Variants in SAFB observed in about 807,000 individuals in gnomAD.
SAFB encodes the protein scaffold attachment factor B.
SAFB carries 15 observed loss-of-function variants against 101.6 expected under a neutral mutation model. The observed-to-expected ratio is 0.15, with a 90% CI of 0.10 to 0.23. The LOEUF is 0.23. Among genes scored for constraint, SAFB ranks in the 10% least tolerant of loss-of-function variants. The pLI, the probability that SAFB is intolerant of heterozygous loss-of-function variation, is 1.00. For missense variants in SAFB, 930 were observed against 1,104.1 expected (o/e 0.84, Z 2.23); for synonymous variants, 449 against 407.5 (o/e 1.10, Z -1.23).
At chr19:5,660,020 C>A (rs2054159597) in intron 14 of SAFB, among the ~76,000 whole-genome samples, 1 of 152,144 alleles carries the variant, frequency 6.6e-6, no homozygotes, top group Admixed American at 6.5e-5. Flanking sequence ...TGGGCGGATC[C>A]AAGACATGTT....
chr19:5,650,120 A>G, intron 8 of SAFB, 145 bp downstream of exon 8: 1 of 658,438 alleles, frequency 1.5e-6, no homozygotes, highest in Non-Finnish European at 2.7e-6. Flanking sequence ...CTCTGCTGTT[A>G]CCGCTACAGG....
intron 5 of SAFB, 108 bp downstream of exon 5, chr19:5,645,507 G>T (rs1295652888): frequency 1.8e-5 from 11 of 607,804 alleles, no homozygotes; most frequent in South Asian, 4.0e-5. Flanking sequence ...CACCACAAGG[G>T]TTGTTTCCTT....
In SAFB at chr19:5,641,862, T is replaced by C; in HGVS notation, c.462T>C (p.Asp154=). Residue 154 remains aspartate (D), a synonymous_variant, in exon 4 of 21, where the codon GAT becomes GAC. Transcript: ENST00000588852. ...VADCVEDDDA[D]NLQESLSDSR... is the part of the protein sequence containing the mutation. ...ATTGTGTCGAAGACGATGATGCTGA[T>C]AACCTCCAGGAGTCCCTGTCGGATA... The C allele has an allele frequency of 6.2e-7, 1 of 1,614,142 alleles. No homozygotes were observed. Among genetic ancestry groups the C allele is most frequent in the African/African-American group, 1.3e-5 (1 of 75,048 alleles).
intron 9 of SAFB, among the ~76,000 whole-genome samples, chr19:5,652,175 A>G (rs1163498332): frequency 2.6e-5 from 4 of 152,076 alleles, no homozygotes; most frequent in Non-Finnish European, 4.4e-5. Flanking sequence ...CCTGGGACAG[A>G]GCAAGACTCC....
At chr19:5,646,125 C>CT (rs1244176630) in intron 5 of SAFB, among the ~76,000 whole-genome samples, 1 of 152,058 alleles carries the variant, frequency 6.6e-6, no homozygotes, top group Non-Finnish European at 1.5e-5. Context: ...CTTAGGAGAA[C>CT]TTTTTGTGGA....
intron 5 of SAFB, among the ~76,000 whole-genome samples, chr19:5,645,895 T>C (rs1293941483): frequency 6.6e-6 from 1 of 151,838 alleles, no homozygotes; most frequent in Non-Finnish European, 1.5e-5. Flanking sequence ...GTTTTGTTTT[T>C]GTTTTGTTTT....
chr19:5,649,751 C>T (rs1371910535), intron 7 of SAFB, 175 bp from the exon 8 acceptor site: 1 of 785,708 alleles, frequency 1.3e-6, no homozygotes, highest in Non-Finnish European at 2.1e-6. Flanking sequence ...TTAATTAACT[C>T]CTGTGGGTCT....
In SAFB at chr19:5,653,256, G is replaced by A. The variant is rs1358288770; in HGVS notation, c.1435G>A (p.Val479Met). The change falls in exon 10 of 21, where the codon GTG becomes ATG. Residue 479 changes from valine to methionine, a missense_variant. Physicochemically the swap from Val to Met is conservative, Grantham distance 21 (BLOSUM62 1). Around this residue, in one of 7 missense-constraint regions of SAFB, gnomAD observed 92 missense variants for 83.8 expected, o/e 1.10. Coordinates refer to ENST00000588852, the MANE Select transcript of SAFB (RefSeq NM_001201338.2). ...KTELHGKMISVEKAKNEPVGK... is the reference protein window; with the variant it reads ...KTELHGKMISMEKAKNEPVGK... Reference sequence around the variant, plus strand: ...GGAGCTCCACGGAAAGATGATCTCCGTGGAGAAAGTGAGTGGCCGTTTTCT... The same window carrying A: ...GGAGCTCCACGGAAAGATGATCTCCATGGAGAAAGTGAGTGGCCGTTTTCT... 4.3e-6 allele frequency: 7 copies of A among 1,614,150 alleles called. No individual in the cohort carries two copies. The highest frequency in any genetic ancestry group is 5.9e-6 in the Non-Finnish European group (7 of 1,180,030).
At chr19:5,645,999 G>A (rs2053820042) in intron 5 of SAFB, among the ~76,000 whole-genome samples, 1 of 152,090 alleles carries the variant, frequency 6.6e-6, no homozygotes, top group Non-Finnish European at 1.5e-5. Context: ...GAGAACAGAT[G>A]AGTTGAGAAT....
intron 2 of SAFB, among the ~76,000 whole-genome samples, chr19:5,638,714 C>CTT (rs758543978): frequency 0.028 from 3,226 of 116,308 alleles, 213 homozygotes; most frequent in African/African-American, 0.1. Context: ...TAATCTTAGT[C>CTT]TTTTTTTTTT....
chr19:5,652,190 TAAAAA>T (rs920873579), intron 9 of SAFB, among the ~76,000 whole-genome samples: 49 of 149,912 alleles, frequency 3.3e-4, no homozygotes, highest in African/African-American at 1.0e-3. Flanking sequence ...GACTCCATCT[TAAAAA>T]AAGAAAAAAA....
intron 2 of SAFB, among the ~76,000 whole-genome samples, chr19:5,639,825 T>C (rs1388626464): frequency 1.3e-5 from 2 of 151,700 alleles, no homozygotes; most frequent in Non-Finnish European, 2.9e-5. Flanking sequence ...GGAGCCGAAG[T>C]GTTTTGTTTG....
chr19:5,668,077 G>A lies in SAFB; in HGVS notation c.2625-85G>A, dbSNP rs939713843. ...CATTAGGAAGGGGCCCTGCCTGCAG[G>A]CAACACTCAGGGAAGCTGTGCAGGC... On this transcript the variant is annotated intron_variant, in intron 20 of 20. Transcript: ENST00000588852. The A allele has an allele frequency of 3.9e-6, 6 of 1,538,920 alleles. No individual in the cohort carries two copies. In the African/African-American group the frequency reaches 8.3e-5, roughly 21 times the overall value.
intron 2 of SAFB, among the ~76,000 whole-genome samples, chr19:5,638,386 T>A (rs2053636341): frequency 6.6e-6 from 1 of 152,198 alleles, no homozygotes; most frequent in Non-Finnish European, 1.5e-5. Flanking sequence ...TGGCTCAATC[T>A]CATCTCACTG....
rs1258847437 is a variant in SAFB, at chr19:5,667,896, G to A, written c.2624+10G>A. On this transcript the variant is annotated intron_variant, in intron 20 of 20. Coordinates refer to ENST00000588852, the MANE Select transcript of SAFB (RefSeq NM_001201338.2). The surrounding 1 kb of genome is among the most constrained non-coding windows in gnomAD (Gnocchi z 4.0). ...GAGGAGGAATGTCAGGGTAAGGCAT[G>A]CTGGGGGCGGCGCCCCTTCCCCCTG... 6.3e-7 allele frequency: 1 copy of A among 1,594,284 alleles called. No homozygotes were observed. The highest frequency in any genetic ancestry group is 2.2e-5 in the East Asian group (1 of 44,686).
At chr19:5,640,868 A>G (rs1278521015) in intron 2 of SAFB, among the ~76,000 whole-genome samples, 1 of 151,672 alleles carries the variant, frequency 6.6e-6, no homozygotes, top group African/African-American at 2.4e-5. Flanking sequence ...TGGACTTAAC[A>G]GGCATGAGCC....
At chr19:5,638,753 G>T (rs1216810733) in intron 2 of SAFB, among the ~76,000 whole-genome samples, 8 of 111,986 alleles carry the variant, frequency 7.1e-5, no homozygotes, top group African/African-American at 2.9e-4. Context: ...AGTCTGTCTT[G>T]CTCTGTCACC....
At chr19:5,640,708 G>A (rs1368105043) in intron 2 of SAFB, among the ~76,000 whole-genome samples, 3 of 151,726 alleles carry the variant, frequency 2.0e-5, no homozygotes, top group Non-Finnish European at 4.4e-5. Flanking sequence ...TCCTGCCTCC[G>A]CCTCCTGAGT....
intron 2 of SAFB, among the ~76,000 whole-genome samples, chr19:5,632,802 A>G (rs893205532): frequency 5.9e-5 from 9 of 152,114 alleles, no homozygotes; most frequent in African/African-American, 1.2e-4. Flanking sequence ...CAATGGTGCA[A>G]TTGTAGGTCA....
Sources: gnomAD v4.1 joint callset for allele counts (sites outside exome capture counted in the v4.1 genomes callset) on GRCh38, gnomAD v4.1.1 for gene constraint, gnomAD v4.1.1 regional missense constraint, Gnocchi (gnomAD v3.1) non-coding constraint, MANE v1.5 for transcripts, NCBI Gene and HGNC (gene_info 2026-07-23, HGNC 2026-07-21) for gene names.